RABGAP1L: variants seen among roughly 807,000 people sequenced by gnomAD.
RABGAP1L encodes rab GTPase-activating protein 1-like.
In RABGAP1L, 63 loss-of-function variants were observed where a neutral mutation model predicts 137.7. The observed-to-expected ratio is 0.46, with a 90% CI of 0.37 to 0.56. The LOEUF (loss-of-function observed/expected upper bound fraction) is 0.56. Among genes scored for constraint, RABGAP1L ranks in the 20% least tolerant of loss-of-function variants. The pLI, the probability that RABGAP1L is intolerant of heterozygous loss-of-function variation, is 0.00. For synonymous variants in RABGAP1L, 431 were observed against 433.7 expected (o/e 0.99, Z 0.08); for missense variants, 1,095 against 1,244.0 (o/e 0.88, Z 1.80).
At chr1:174,278,849 A>C (rs1675240652) in intron 10 of RABGAP1L, 70 bp downstream of exon 10, 1 of 1,236,292 alleles carries the variant, frequency 8.1e-7, no homozygotes. Context: ...TTTTAATGCC[A>C]AGATAATTCC....
At chr1:174,842,942 G>A (rs1404996726) in intron 19 of RABGAP1L, among the ~76,000 whole-genome samples, 1 of 151,980 alleles carries the variant, frequency 6.6e-6, no homozygotes, top group African/African-American at 2.4e-5. Context: ...ACTGCTGCCT[G>A]CCTCTCTGAA....
intron 13 of RABGAP1L, among the ~76,000 whole-genome samples, chr1:174,477,211 A>T (rs1658594562): frequency 1.3e-5 from 2 of 152,212 alleles, no homozygotes; most frequent in Admixed American, 1.3e-4. Flanking sequence ...AAATCTCCTT[A>T]GCTAATCTAT....
intron 14 of RABGAP1L, among the ~76,000 whole-genome samples, chr1:174,680,333 G>A (rs1482449171): frequency 6.6e-6 from 1 of 152,170 alleles, no homozygotes; most frequent in Non-Finnish European, 1.5e-5. Flanking sequence ...AATAAAAGAG[G>A]CCGGAAGGAT....
At chr1:174,278,822 T>C in intron 10 of RABGAP1L, 43 bp downstream of exon 10, 7 of 1,344,280 alleles carry the variant, frequency 5.2e-6, no homozygotes, top group Non-Finnish European at 6.8e-6. Context: ...ACAAACATTT[T>C]TCTTTCCACA....
At chr1:174,840,022 T>C (rs1247536113) in intron 19 of RABGAP1L, among the ~76,000 whole-genome samples, 1 of 152,212 alleles carries the variant, frequency 6.6e-6, no homozygotes, top group East Asian at 1.9e-4. Flanking sequence ...TCATCAGAAC[T>C]AAGGAAAGCT....
At chr1:174,952,647 G>A (rs936732850) in intron 19 of RABGAP1L, among the ~76,000 whole-genome samples, 6 of 152,086 alleles carry the variant, frequency 3.9e-5, no homozygotes, top group African/African-American at 1.2e-4. Context: ...CTGGAGTGCA[G>A]TGGCATGATT....
Position 174,448,253 on chromosome 1 carries a change from G to A in RABGAP1L, c.1710+54108G>A, listed in dbSNP as rs1231865036. ...CTGCATCTTCGAGACAGTGGTTATT[G>A]TGTTGCTGACATTTCTGATCATTGC... On this transcript the variant is annotated intron_variant, in intron 13 of 25. Coordinates refer to ENST00000681986, the MANE Select transcript of RABGAP1L (RefSeq NM_001366446.1). The surrounding 1 kb of genome is among the most constrained non-coding windows in gnomAD (Gnocchi z 4.2). The A allele has an allele frequency of 1.2e-6, 2 of 1,613,952 alleles. No homozygotes were observed. Among genetic ancestry groups the A allele is most frequent in the African/African-American group, 2.7e-5 (2 of 74,910 alleles).
intron 11 of RABGAP1L, among the ~76,000 whole-genome samples, chr1:174,349,850 G>A (rs1348021912): frequency 4.3e-5 from 6 of 141,082 alleles, no homozygotes; most frequent in Admixed American, 6.9e-5. Context: ...GCGGCTGGCC[G>A]GGCGGGGCGC....
chr1:174,729,516 T>G (rs1319079701), intron 17 of RABGAP1L, among the ~76,000 whole-genome samples: 1 of 152,026 alleles, frequency 6.6e-6, no homozygotes, highest in African/African-American at 2.4e-5. Flanking sequence ...CAAAAGAAAT[T>G]ATCAACAGAG....
intron 13 of RABGAP1L, among the ~76,000 whole-genome samples, chr1:174,550,117 G>A (rs1276110034): frequency 6.6e-6 from 1 of 151,958 alleles, no homozygotes; most frequent in Non-Finnish European, 1.5e-5. Context: ...ACAGTAATTG[G>A]TACCTCAGTC....
At chr1:174,607,862 C>A (rs1670900440) in intron 13 of RABGAP1L, among the ~76,000 whole-genome samples, 1 of 152,154 alleles carries the variant, frequency 6.6e-6, no homozygotes, top group Admixed American at 6.6e-5. Context: ...TTTGGTTATT[C>A]TTTCCTATAC....
intron 13 of RABGAP1L, among the ~76,000 whole-genome samples, chr1:174,477,484 C>T (rs1658622429): frequency 6.6e-6 from 1 of 152,090 alleles, no homozygotes; most frequent in Non-Finnish European, 1.5e-5. Flanking sequence ...AGAAAATTTT[C>T]AATTTAGTGT....
intron 11 of RABGAP1L, among the ~76,000 whole-genome samples, chr1:174,333,525 T>C (rs1464978088): frequency 2.6e-5 from 4 of 152,216 alleles, no homozygotes; most frequent in Non-Finnish European, 5.9e-5. Flanking sequence ...CAAGTCCACT[T>C]ATTCCAAAGT....
At chr1:174,534,552 G>C (rs553042474) in intron 13 of RABGAP1L, among the ~76,000 whole-genome samples, 1 of 151,870 alleles carries the variant, frequency 6.6e-6, no homozygotes, top group Non-Finnish European at 1.5e-5. Flanking sequence ...TGAGGTGGGC[G>C]GATCACTGGA....
intron 11 of RABGAP1L, among the ~76,000 whole-genome samples, chr1:174,366,603 C>T (rs148320262): frequency 0.02 from 3,057 of 151,734 alleles, 110 homozygotes; most frequent in African/African-American, 0.071. Flanking sequence ...AACCTCATCT[C>T]TACTAAAAAT....
chr1:174,780,006 C>T (rs1686830972), intron 18 of RABGAP1L, among the ~76,000 whole-genome samples: 1 of 151,316 alleles, frequency 6.6e-6, no homozygotes, highest in South Asian at 2.1e-4. Context: ...GGGGAGATTG[C>T]AGTGAGCCGA....
chr1:174,849,040 A>C (rs1413556589), intron 19 of RABGAP1L, among the ~76,000 whole-genome samples: 24 of 151,774 alleles, frequency 1.6e-4, no homozygotes, highest in East Asian at 9.7e-4. Context: ...GAACTCCCTG[A>C]CCCCTTGCGC....
chr1:174,653,293 C>T (rs142842109), intron 14 of RABGAP1L, among the ~76,000 whole-genome samples: 1 of 152,088 alleles, frequency 6.6e-6, no homozygotes, highest in Non-Finnish European at 1.5e-5. Context: ...AGCCCCCTTT[C>T]CAGGGGAGTG....
At chr1:174,326,695 A>G (rs1225563073) in intron 11 of RABGAP1L, among the ~76,000 whole-genome samples, 2 of 152,212 alleles carry the variant, frequency 1.3e-5, no homozygotes, top group Non-Finnish European at 2.9e-5. Context: ...ACAAATATCC[A>G]GGTATAACAA....
Sources: allele counts gnomAD v4.1 joint callset (sites outside exome capture counted in the v4.1 genomes callset), GRCh38; gene constraint gnomAD v4.1.1; non-coding constraint Gnocchi (gnomAD v3.1); transcripts MANE v1.5; gene names NCBI Gene and HGNC (gene_info 2026-07-23, HGNC 2026-07-21).